Variants in TRPT1 observed in about 807,000 individuals in gnomAD.
TRPT1 encodes the protein tRNA 2'-phosphotransferase 1.
TRPT1 carries 22 observed loss-of-function variants against 28.4 expected under a neutral mutation model. The observed-to-expected ratio is 0.78, with a 90% CI of 0.55 to 1.11. The LOEUF is 1.11. Ranked by LOEUF, TRPT1 falls within the 50% of genes least tolerant of loss-of-function variation. The pLI is 0.00. For synonymous variants in TRPT1, 137 were observed against 132.4 expected (o/e 1.03, Z -0.24); for missense variants, 308 against 317.7 (o/e 0.97, Z 0.23).
At position 64,223,826 on chromosome 11, in the gene TRPT1, C is replaced by T. The variant is rs756096328; in HGVS notation, c.*50G>A. 4.0e-5 allele frequency: 52 copies of T among 1,286,142 alleles called. No individual in the cohort carries two copies. Among genetic ancestry groups the T allele is most frequent in the Middle Eastern group, 2.7e-4 (1 of 3,768 alleles). The allele number at this position is 1,286,142 out of a possible 1,614,324, so 79.7% of individuals were successfully genotyped here. ...CAGGATGATGAAACATGGTTTCAAA[C>T]GAGTTCTTTCTTGTTACTTTTTAAA... On this transcript the variant is annotated 3_prime_UTR_variant, in exon 8 of 8. Coordinates refer to ENST00000317459, the MANE Select transcript of TRPT1 (RefSeq NM_001033678.4).
rs1042291541 is a variant in TRPT1, at chr11:64,226,072, G to A, written c.-32C>T. On this transcript the variant is annotated 5_prime_UTR_variant, in exon 1 of 8. Transcript: ENST00000317459. ...TGCCCAAGGTCACACGGTCAGCCAG[G>A]AGCGCAGGGAGGCCGAGCCCCGCAC... is the stretch of plus-strand genomic sequence containing the variant. The A allele has an allele frequency of 7.2e-6, 4 of 551,868 alleles. No homozygotes were observed. The South Asian group carries it at 9.1e-5, about 13-fold the overall frequency. 34.2% of individuals were successfully genotyped at this position (551,868 alleles called of 1,614,324 possible).
intron 3 of TRPT1, 171 bp from the exon 4 acceptor site, chr11:64,225,141 A>G (rs1946907531): frequency 4.0e-6 from 3 of 742,778 alleles, no homozygotes; most frequent in African/African-American, 3.5e-5. Flanking sequence ...CAACTTACAT[A>G]AAAAGAGGAT....
chr11:64,224,194 G>T lies in TRPT1; in HGVS notation c.576C>A (p.Phe192Leu). ...PLALADGIPF[F>L]RSANGVILTP... ...TCAGAATCACCCCATTGGCAGAGCG[G>T]AAGAAGGGTATTCCATCTGCTGACA... The change falls in exon 7 of 8, where the codon TTC (phenylalanine) becomes TTA (leucine). Residue 192 changes from phenylalanine (F) to leucine (L), a missense_variant. By Grantham distance (22) the Phe-to-Leu change is conservative. Coordinates refer to ENST00000317459, the MANE Select transcript of TRPT1 (RefSeq NM_001033678.4). 1 of 1,610,894 alleles carries T rather than the reference G, an allele frequency of 6.2e-7. No homozygotes were observed. Among genetic ancestry groups the T allele is most frequent in the Non-Finnish European group, 8.5e-7 (1 of 1,177,756 alleles).
At chr11:64,225,602 C>CCCT in intron 2 of TRPT1, 22 bp from the exon 3 acceptor site, 1 of 1,598,880 alleles carries the variant, frequency 6.3e-7, no homozygotes. Flanking sequence ...CAGCGGTGGC[C>CCCT]CCTAGTCTCC....
chr11:64,225,130 T>C (rs1946906076), intron 3 of TRPT1, 160 bp from the exon 4 acceptor site: 4 of 794,160 alleles, frequency 5.0e-6, no homozygotes, highest in Non-Finnish European at 7.8e-6. Flanking sequence ...CGCAGTTTTT[T>C]CAACTTACAT....
In TRPT1 at chr11:64,224,193, GGAA is replaced by G; in HGVS notation, c.574_576del (p.Phe192del). On this transcript the variant is annotated inframe_deletion, in exon 7 of 8. Transcript: ENST00000317459. ...GTCAGAATCACCCCATTGGCAGAGC[GGAA>G]GAAGGGTATTCCATCTGCTGACAGA... The G allele has an allele frequency of 6.2e-7, 1 of 1,610,052 alleles. No homozygotes were observed. The highest frequency in any genetic ancestry group is 8.5e-7 in the Non-Finnish European group (1 of 1,177,150).
At chr11:64,224,757 G>A (rs1189897858) in intron 4 of TRPT1, 40 bp from the exon 5 acceptor site, 1 of 1,606,998 alleles carries the variant, frequency 6.2e-7, no homozygotes, top group South Asian at 1.1e-5. Flanking sequence ...TTCGCAGGCA[G>A]GGGTCCCTCC....
In TRPT1 at chr11:64,224,545, CTGA is replaced by C; in HGVS notation, c.497_499del (p.Ile166del). ...TAGGTGGAGGGGAGGGCACTGACCA[CTGA>C]TGATACCGGGGTCTCCAGGCAGTCC... On this transcript the variant is annotated inframe_deletion, in exon 5 of 8. Transcript: ENST00000317459. 1 of 1,564,880 alleles carries C rather than the reference CTGA, an allele frequency of 6.4e-7. No homozygotes were observed. The highest frequency in any genetic ancestry group is 1.2e-5 in the South Asian group (1 of 82,730).
Position 64,225,133 on chromosome 11 carries a change from A to G in TRPT1, c.158-163T>C, listed in dbSNP as rs555682468. On this transcript the variant is annotated intron_variant, in intron 3 of 7. Coordinates refer to ENST00000317459, the MANE Select transcript of TRPT1 (RefSeq NM_001033678.4). ...CCCTTTCTGGGCCGCAGTTTTTTCA[A>G]CTTACATAAAAAGAGGATCTGCCTC... 9.9e-5 allele frequency: 78 copies of G among 786,610 alleles called. No individual in the cohort carries two copies. The African/African-American group carries it at 1.2e-3, about 12-fold the overall frequency. The allele number at this position is 786,610 out of a possible 1,614,324, so 48.7% of individuals were successfully genotyped here.
Position 64,224,082 on chromosome 11 carries a change from T to G in TRPT1, c.670+18A>C. 6.2e-7 allele frequency: 1 copy of G among 1,603,102 alleles called. No homozygotes were observed. The highest frequency in any genetic ancestry group is 2.2e-5 in the East Asian group (1 of 44,712). ...GCTTTCAGGAACAAGGAATAGGGGC[T>G]GGGGTGGTGGTTCTCACGGGTAGGG... is the stretch of plus-strand genomic sequence containing the variant. On this transcript the variant is annotated intron_variant, in intron 7 of 7. Coordinates refer to ENST00000317459, the MANE Select transcript of TRPT1 (RefSeq NM_001033678.4).
chr11:64,224,813 GCCCT>G lies in TRPT1; in HGVS notation c.311_314del (p.Gln104ProfsTer11). On this transcript the variant is annotated frameshift_variant, in exon 4 of 8. Coordinates refer to ENST00000317459, the MANE Select transcript of TRPT1 (RefSeq NM_001033678.4). LOFTEE classifies it high-confidence loss of function. Reference sequence around the variant, plus strand: ...CCCTCACCCCGACCTGCAGGGAATGGCCCTGGTTGGCCCGGATGAGAAGGCCAGT... The same window carrying G: ...CCCTCACCCCGACCTGCAGGGAATGGGGTTGGCCCGGATGAGAAGGCCAGT... 6.2e-7 allele frequency: 1 copy of G among 1,613,834 alleles called. No individual in the cohort carries two copies.
chr11:64,224,320 A>G lies in TRPT1; in HGVS notation c.524T>C (p.Ile175Thr), dbSNP rs1271130235. Residue 175 changes from isoleucine (I) to threonine (T), a missense_variant, in exon 6 of 8, where the codon ATA becomes ACA. Physicochemically the swap from Ile to Thr is moderately conservative, Grantham distance 89. Coordinates refer to ENST00000317459, the MANE Select transcript of TRPT1 (RefSeq NM_001033678.4). ...IISGMRSHCE[I>T]AVFIDGPLAL... ...CAGGGGTCCATCGATGAACACAGCTATTTCACAATGGGACCGCATGCCTGC... is the reference window on the plus strand; with the variant it reads ...CAGGGGTCCATCGATGAACACAGCTGTTTCACAATGGGACCGCATGCCTGC... 1.9e-6 allele frequency: 3 copies of G among 1,613,818 alleles called. No homozygotes were observed. Among genetic ancestry groups the G allele is most frequent in the South Asian group, 1.1e-5 (1 of 91,086 alleles).
Position 64,224,819 on chromosome 11 carries a change from G to T in TRPT1, c.309C>A (p.Asn103Lys), listed in dbSNP as rs1946876013. The change falls in exon 4 of 8, where the codon AAC becomes AAA. Residue 103 changes from asparagine (N) to lysine (K), a missense_variant. Coordinates refer to ENST00000317459, the MANE Select transcript of TRPT1 (RefSeq NM_001033678.4). ...DPSTGLLIRA[N>K]QGHSLQVPKL... ...CCCCGACCTGCAGGGAATGGCCCTG[G>T]TTGGCCCGGATGAGAAGGCCAGTGC... 1.2e-6 allele frequency: 2 copies of T among 1,613,858 alleles called. No individual in the cohort carries two copies. Among genetic ancestry groups the T allele is most frequent in the Non-Finnish European group, 1.7e-6 (2 of 1,180,006 alleles).
chr11:64,225,794 G>T lies in TRPT1; in HGVS notation c.67C>A (p.Arg23=). The change falls in exon 2 of 8, where the codon CGA becomes AGA. Residue 23 remains arginine (R), a synonymous_variant. Transcript: ENST00000317459. ...GSRGRRAPRP[R]EQDRDVQLSK... ...GGGGAGGAGGCGCGCACCTGTTCTC[G>T]GGGTCTGGGAGCCCTTCTACCCCTG... 6.4e-7 allele frequency: 1 copy of T among 1,551,976 alleles called. No homozygotes were observed. The highest frequency in any genetic ancestry group is 2.4e-5 in the East Asian group (1 of 41,686).
chr11:64,224,362 G>C (rs1389426168), intron 5 of TRPT1, 21 bp from the exon 6 acceptor site: 24 of 1,613,162 alleles, frequency 1.5e-5, no homozygotes, highest in Non-Finnish European at 1.9e-5. Context: ...AGCTGGAGCT[G>C]AGGCCTGGGC....
intron 3 of TRPT1, chr11:64,225,182 C>T (rs897882823): frequency 4.7e-6 from 3 of 635,062 alleles, no homozygotes; most frequent in Admixed American, 5.9e-5. Context: ...GAGGTGAGTG[C>T]CCAGCATAGC....
Position 64,225,571 on chromosome 11 carries a change from C to A in TRPT1, c.85G>T (p.Val29Leu), listed in dbSNP as rs375375573. Residue 29 changes from valine to leucine, a missense_variant, in exon 3 of 8, where the codon GTG becomes TTG. By Grantham distance (32) the Val-to-Leu change is conservative (BLOSUM62 1). Coordinates refer to ENST00000317459, the MANE Select transcript of TRPT1 (RefSeq NM_001033678.4). ...APRPREQDRD[V>L]QLSKALSYAL... is the part of the protein sequence containing the mutation. Reference sequence around the variant, plus strand: ...TAGGACAGAGCCTTGGACAGCTGCACGTCTCGGTCCTGAAAGAACCCAGCG... The same window carrying A: ...TAGGACAGAGCCTTGGACAGCTGCAAGTCTCGGTCCTGAAAGAACCCAGCG... 1.9e-6 allele frequency: 3 copies of A among 1,610,978 alleles called. No homozygotes were observed. Among genetic ancestry groups the A allele is most frequent in the Non-Finnish European group, 2.5e-6 (3 of 1,178,838 alleles).
At chr11:64,225,895 A>G (rs566565399) in intron 1 of TRPT1, 26 bp from the exon 2 acceptor site, 5 of 1,394,160 alleles carry the variant, frequency 3.6e-6, no homozygotes, top group Non-Finnish European at 4.0e-6. Flanking sequence ...ACGAGGGGGG[A>G]CTGCTTTAAG....
intron 2 of TRPT1, 32 bp from the exon 3 acceptor site, chr11:64,225,612 C>A: frequency 3.8e-6 from 6 of 1,586,590 alleles, no homozygotes; most frequent in East Asian, 2.3e-5. Flanking sequence ...CCCTAGTCTC[C>A]ATGGTGACCC....
Sources: allele counts gnomAD v4.1 joint callset, GRCh38; gene constraint gnomAD v4.1.1; transcripts MANE v1.5; gene names NCBI Gene and HGNC (gene_info 2026-07-23, HGNC 2026-07-21).